RIN3: variants seen among roughly 807,000 people sequenced by gnomAD.
The protein encoded by RIN3 is Ras and Rab interactor 3.
A neutral mutation model predicts 76.3 loss-of-function variants in RIN3; 54 were observed. The ratio of observed to expected loss-of-function variants is 0.71; its 90% CI spans 0.57 to 0.89. The LOEUF is 0.89. Ranked by LOEUF, RIN3 falls within the 40% of genes least tolerant of loss-of-function variation. The pLI is 0.00. For missense variants in RIN3, 1,256 were observed against 1,322.1 expected (o/e 0.95, Z 0.78); for synonymous variants, 576 against 564.0 (o/e 1.02, Z -0.30).
intron 3 of RIN3, among the ~76,000 whole-genome samples, chr14:92,605,330 A>C (rs902707445): frequency 2.6e-5 from 4 of 152,250 alleles, no homozygotes; most frequent in African/African-American, 9.6e-5. Context: ...AATGGGGGTC[A>C]GAACTGGAAA....
intron 3 of RIN3, among the ~76,000 whole-genome samples, chr14:92,585,963 C>T (rs1412616744): frequency 6.6e-6 from 1 of 152,190 alleles, no homozygotes; most frequent in Non-Finnish European, 1.5e-5. Context: ...TTAATGCAAA[C>T]TTCTTTTGAG....
Position 92,651,741 on chromosome 14 carries a change from G to T in RIN3, c.692G>T (p.Arg231Leu), listed in dbSNP as rs112250035. The T allele has an allele frequency of 6.2e-7, 1 of 1,614,076 alleles. No individual in the cohort carries two copies. Among genetic ancestry groups the T allele is most frequent in the African/African-American group, 1.3e-5 (1 of 74,986 alleles). ...ATCGAGCTGTCGGTAGGAAATGACC[G>T]CCTGTGGTTTGTGAATCCTATTTTC... is the stretch of plus-strand genomic sequence containing the variant. Reference protein sequence around the residue: ...CEIELSVGNDRLWFVNPIFIE... With the variant: ...CEIELSVGNDLLWFVNPIFIE... Residue 231 changes from arginine (R) to leucine (L), a missense_variant, in exon 6 of 10, where the codon CGC becomes CTC. This residue lies in a region of RIN3 where 610 missense variants were observed against 626.4 expected (regional missense o/e 0.97). Coordinates refer to ENST00000216487, the MANE Select transcript of RIN3 (RefSeq NM_024832.5).
At chr14:92,667,160 G>A (rs781773864) in intron 7 of RIN3, among the ~76,000 whole-genome samples, 7 of 152,148 alleles carry the variant, frequency 4.6e-5, no homozygotes, top group South Asian at 2.1e-4. Flanking sequence ...TGACATTGAC[G>A]GGGTAGAGAG....
rs34350495 is a variant in RIN3 at position 92,609,843 on chromosome 14, CTGTGTGTGTG to C, written c.368-5530_368-5521del. Among the ~76,000 whole-genome samples, 1,295 of 138,492 alleles carry C rather than the reference CTGTGTGTGTG, an allele frequency of 9.4e-3. 24 individuals are homozygous for C. The highest frequency in any genetic ancestry group is 0.032 in the African/African-American group (1,227 of 38,068). The allele number at this position is 138,492 out of a possible 152,430, so 90.9% of individuals were successfully genotyped here. On this transcript the variant is annotated intron_variant, in intron 3 of 9. Coordinates refer to ENST00000216487, the MANE Select transcript of RIN3 (RefSeq NM_024832.5). ...CAGAATGCAGGAAGTGAAATTCAGT[CTGTGTGTGTG>C]TGTGTGTGTGTGTGTGTGTGTGTGT...
At chr14:92,687,856 C>A in intron 9 of RIN3, 70 bp from the exon 10 acceptor site, 1 of 1,359,712 alleles carries the variant, frequency 7.4e-7, no homozygotes, top group Non-Finnish European at 9.7e-7. Flanking sequence ...CAGGGAGGGG[C>A]CTGGGCCGGG....
Position 92,676,360 on chromosome 14 carries a change from C to T in RIN3, c.2336-115C>T, listed in dbSNP as rs957152464. ...GAGTCATGAGAGAGCAGGAACATTC[C>T]TCTTCCAGGGATCGCCATCCACACT... is the stretch of plus-strand genomic sequence containing the variant. On this transcript the variant is annotated intron_variant, in intron 7 of 9. Coordinates refer to ENST00000216487, the MANE Select transcript of RIN3 (RefSeq NM_024832.5). 8 of 1,242,810 alleles carry T rather than the reference C, an allele frequency of 6.4e-6. No individual in the cohort carries two copies. The African/African-American group carries it at 1.2e-4, about 18-fold the overall frequency. The allele number at this position is 1,242,810 out of a possible 1,614,324, so 77.0% of individuals were successfully genotyped here. A position where few individuals can be genotyped will look rare whatever the true frequency, so the allele number is the denominator to read the frequency against.
At position 92,518,657 on chromosome 14, in the gene RIN3, GC is replaced by G. The variant is rs145020376; in HGVS notation, c.44+4684del. The stretch of plus-strand genomic sequence containing the variant: ...GAAAGGATGGGGGAAGGAGAGGCCA[GC>G]CCTGGATACTGTGTCTCAGCCGGAA... On this transcript the variant is annotated intron_variant, in intron 1 of 9. Transcript: ENST00000216487. Among the ~76,000 whole-genome samples, 386 of 152,346 alleles carry G rather than the reference GC, an allele frequency of 2.5e-3. 2 individuals carry two copies. The highest frequency in any genetic ancestry group is 0.01 in the Middle Eastern group (3 of 294).
intron 1 of RIN3, among the ~76,000 whole-genome samples, chr14:92,544,577 G>T (rs954998499): frequency 6.6e-6 from 1 of 152,176 alleles, no homozygotes; most frequent in South Asian, 2.1e-4. Flanking sequence ...AGAAAAAACA[G>T]CTGGAGTGGT....
At chr14:92,535,841 CT>C (rs35296189) in intron 1 of RIN3, among the ~76,000 whole-genome samples, 3,079 of 146,506 alleles carry the variant, frequency 0.021, 113 homozygotes, top group African/African-American at 0.073. Flanking sequence ...CGCCTGGCTA[CT>C]TTTTTTTTTT....
intron 4 of RIN3, among the ~76,000 whole-genome samples, chr14:92,616,350 C>T (rs184341934): frequency 6.8e-4 from 103 of 152,256 alleles, no homozygotes; most frequent in African/African-American, 2.4e-3. Flanking sequence ...TATTAAATAC[C>T]CTCTAGAGGA....
In RIN3 at chr14:92,514,345, A is replaced by G. The variant is rs532383281; in HGVS notation, c.44+369A>G. Among the ~76,000 whole-genome samples, 1 of 152,316 alleles carries G rather than the reference A, an allele frequency of 6.6e-6. No individual in the cohort carries two copies. The highest frequency in any genetic ancestry group is 2.1e-4 in the South Asian group (1 of 4,824). ...TCTGCCCCGCCTGAACTTTGCAAACAAAACTCGCGGTCCCAGCCCCGCCAG... is the reference window on the plus strand; with the variant it reads ...TCTGCCCCGCCTGAACTTTGCAAACGAAACTCGCGGTCCCAGCCCCGCCAG... On this transcript the variant is annotated intron_variant, in intron 1 of 9. Coordinates refer to ENST00000216487, the MANE Select transcript of RIN3 (RefSeq NM_024832.5). This position sits in a 1 kb window ranked among gnomAD's most constrained non-coding sequence, Gnocchi z 7.2.
At chr14:92,535,818 G>C (rs1896986968) in intron 1 of RIN3, among the ~76,000 whole-genome samples, 1 of 150,112 alleles carries the variant, frequency 6.7e-6, no homozygotes, top group Non-Finnish European at 1.5e-5. Context: ...GGGATTATAG[G>C]CATGTGCCAC....
rs529608621 is a variant in RIN3 at position 92,543,136 on chromosome 14, G to A, written c.45-12615G>A. ...GGAGACACCCAGCTCAGCGTCAACC[G>A]CAGTTGACAAACCTTCCCTCTGGGT... On this transcript the variant is annotated intron_variant, in intron 1 of 9. Coordinates refer to ENST00000216487, the MANE Select transcript of RIN3 (RefSeq NM_024832.5). Among the ~76,000 whole-genome samples the A allele has an allele frequency of 1.1e-4, 17 of 152,290 alleles. No homozygotes were observed. In the South Asian group the frequency reaches 1.4e-3, roughly 13 times the overall value.
intron 1 of RIN3, among the ~76,000 whole-genome samples, chr14:92,516,953 C>T (rs1896459223): frequency 6.6e-6 from 1 of 152,220 alleles, no homozygotes; most frequent in African/African-American, 2.4e-5. Flanking sequence ...CACCCAGACC[C>T]TTCACCATCC....
chr14:92,675,070 T>C (rs1283284484), intron 7 of RIN3, among the ~76,000 whole-genome samples: 1 of 152,174 alleles, frequency 6.6e-6, no homozygotes, highest in Non-Finnish European at 1.5e-5. Context: ...AATTTTCTTT[T>C]AGAGCTAAGA....
chr14:92,520,411 G>C (rs768989513), intron 1 of RIN3, among the ~76,000 whole-genome samples: 2 of 152,158 alleles, frequency 1.3e-5, no homozygotes, highest in Non-Finnish European at 2.9e-5. Flanking sequence ...TCGAGGGGCT[G>C]CCCTAGGGGG....
chr14:92,569,533 A>G (rs1898007628), intron 2 of RIN3, among the ~76,000 whole-genome samples: 1 of 151,420 alleles, frequency 6.6e-6, no homozygotes, highest in South Asian at 2.1e-4. Flanking sequence ...AAAGAAATAC[A>G]GTTTGTGAGC....
At chr14:92,610,768 G>A (rs536975627) in intron 3 of RIN3, among the ~76,000 whole-genome samples, 11 of 152,252 alleles carry the variant, frequency 7.2e-5, no homozygotes, top group African/African-American at 9.6e-5. Context: ...AGGAGATAGG[G>A]AAGAAAATGC....
rs139042196 is a variant in RIN3 at position 92,545,751 on chromosome 14, A to T, written c.45-10000A>T. On this transcript the variant is annotated intron_variant, in intron 1 of 9. Transcript: ENST00000216487. The stretch of plus-strand genomic sequence containing the variant: ...CATGCAGCACCACACCTAGCTTCTA[A>T]TTTTTTCTAAATGATTTGAGAGTAA... 2.4e-3 allele frequency among the ~76,000 whole-genome samples: 369 copies of T among 150,760 alleles called. 2 individuals carry two copies. The highest frequency in any genetic ancestry group is 8.5e-3 in the African/African-American group (348 of 41,036).
Sources: gnomAD v4.1 joint callset for allele counts (sites outside exome capture counted in the v4.1 genomes callset) on GRCh38, gnomAD v4.1.1 for gene constraint, gnomAD v4.1.1 regional missense constraint, Gnocchi (gnomAD v3.1) non-coding constraint, MANE v1.5 for transcripts, NCBI Gene and HGNC (gene_info 2026-07-23, HGNC 2026-07-21) for gene names.